SLC9B1: variants seen among roughly 807,000 people sequenced by gnomAD.
The protein encoded by SLC9B1 is sodium/hydrogen exchanger 9B1.
A neutral mutation model predicts 51.7 loss-of-function variants in SLC9B1; 32 were observed. The observed-to-expected ratio is 0.62, with a 90% CI of 0.47 to 0.83. The LOEUF is 0.83. Among genes scored for constraint, SLC9B1 ranks in the 40% least tolerant of loss-of-function variants. The pLI, the probability that SLC9B1 is intolerant of heterozygous loss-of-function variation, is 0.00. For synonymous variants in SLC9B1, 145 were observed against 212.7 expected, an observed-to-expected ratio of 0.68 and a Z score of 2.77; for missense variants, 406 against 613.2, an observed-to-expected ratio of 0.66 and a Z score of 3.57.
intron 3 of SLC9B1, among the ~76,000 whole-genome samples, chr4:102,985,912 T>C (rs1312749803): frequency 1.3e-5 from 2 of 152,184 alleles, no homozygotes; most frequent in Admixed American, 1.3e-4. Flanking sequence ...TCCCATTTCT[T>C]GTATTATTGC....
chr4:102,922,211 C>G (rs1398123278), intron 7 of SLC9B1, among the ~76,000 whole-genome samples: 1 of 152,212 alleles, frequency 6.6e-6, no homozygotes, highest in Non-Finnish European at 1.5e-5. Flanking sequence ...AACAAACTGT[C>G]TCTCAGACCA....
intron 1 of SLC9B1, among the ~76,000 whole-genome samples, chr4:102,994,481 C>T (rs1460326480): frequency 1.3e-5 from 2 of 152,230 alleles, no homozygotes; most frequent in Non-Finnish European, 2.9e-5. Context: ...CACTTTCCCA[C>T]ATCTTCCTCT....
At chr4:103,005,658 T>C (rs1434402996) in intron 1 of SLC9B1, among the ~76,000 whole-genome samples, 1 of 152,164 alleles carries the variant, frequency 6.6e-6, no homozygotes, top group Non-Finnish European at 1.5e-5. Flanking sequence ...ATATACATTA[T>C]TCTCATCTGC....
At chr4:103,019,549 A>G in intron 1 of SLC9B1, 50 bp downstream of exon 1, 1 of 982,390 alleles carries the variant, frequency 1.0e-6, no homozygotes, top group Middle Eastern at 5.3e-4. Context: ...CAGACCCGGG[A>G]CTAGCGCCAA....
At chr4:103,006,887 A>C (rs1426675036) in intron 1 of SLC9B1, among the ~76,000 whole-genome samples, 2 of 152,226 alleles carry the variant, frequency 1.3e-5, no homozygotes, top group African/African-American at 4.8e-5. Flanking sequence ...CCAAAACCAT[A>C]TAATAATCTC....
At chr4:102,899,972 G>A (rs547007440), downstream of SLC9B1, among the ~76,000 whole-genome samples, 6 of 152,132 alleles carry the variant, frequency 3.9e-5, no homozygotes, top group Non-Finnish European at 7.4e-5. Context: ...TGGCAGTTTC[G>A]GTGATATATT....
chr4:102,946,511 C>T (rs1737275283), intron 5 of SLC9B1, 136 bp downstream of exon 5: 8 of 934,576 alleles, frequency 8.6e-6, no homozygotes, highest in Admixed American at 5.7e-5. Flanking sequence ...CCGCCATGCC[C>T]GGCCTTTTTT....
intron 1 of SLC9B1, among the ~76,000 whole-genome samples, chr4:102,998,134 C>G (rs1578410489): frequency 2.6e-5 from 4 of 152,114 alleles, no homozygotes; most frequent in African/African-American, 7.2e-5. Flanking sequence ...TTATCTTGAC[C>G]TGAAACTGTG....
At chr4:103,008,542 C>T (rs937611895) in intron 1 of SLC9B1, among the ~76,000 whole-genome samples, 13 of 151,482 alleles carry the variant, frequency 8.6e-5, no homozygotes, top group African/African-American at 2.4e-4. Context: ...TCACTGTGTC[C>T]GTCTAGTTTT....
chr4:102,964,209 C>A (rs753543291), intron 3 of SLC9B1, among the ~76,000 whole-genome samples: 24 of 151,020 alleles, frequency 1.6e-4, no homozygotes, highest in Non-Finnish European at 3.4e-4. Context: ...TAAAATAGAA[C>A]AATTCCTAGA....
chr4:102,924,628 G>A (rs1029995715), intron 7 of SLC9B1, among the ~76,000 whole-genome samples: 3 of 152,138 alleles, frequency 2.0e-5, no homozygotes, highest in African/African-American at 7.2e-5. Flanking sequence ...ACAACCTACA[G>A]AATGGGAGAA....
At chr4:102,920,941 T>C (rs570918172) in intron 7 of SLC9B1, among the ~76,000 whole-genome samples, 2 of 152,214 alleles carry the variant, frequency 1.3e-5, no homozygotes, top group African/African-American at 4.8e-5. Context: ...TTGATTGGTG[T>C]ACCTGAAAGT....
intron 3 of SLC9B1, among the ~76,000 whole-genome samples, 181 bp from the exon 4 acceptor site, chr4:102,949,608 A>C (rs1737443634): frequency 6.6e-6 from 1 of 152,158 alleles, no homozygotes; most frequent in Non-Finnish European, 1.5e-5. Context: ...ATTCCAAATA[A>C]CCTGTCAATT....
chr4:102,905,902 T>C (rs1735020946), intron 10 of SLC9B1, among the ~76,000 whole-genome samples: 1 of 152,100 alleles, frequency 6.6e-6, no homozygotes, highest in African/African-American at 2.4e-5. Flanking sequence ...AATTCTGAAC[T>C]AATAGACTTC....
At chr4:102,949,101 TACAC>T (rs759800843) in intron 4 of SLC9B1, among the ~76,000 whole-genome samples, 152 bp downstream of exon 4, 1 of 151,574 alleles carries the variant, frequency 6.6e-6, no homozygotes, top group South Asian at 2.1e-4. Context: ...AAAGGAGCTG[TACAC>T]ACACACACAC....
At chr4:102,956,946 A>G (rs1466585099) in intron 3 of SLC9B1, among the ~76,000 whole-genome samples, 1 of 152,184 alleles carries the variant, frequency 6.6e-6, no homozygotes, top group Non-Finnish European at 1.5e-5. Flanking sequence ...AAATATGATA[A>G]TGTGCTGTCT....
intron 3 of SLC9B1, among the ~76,000 whole-genome samples, chr4:102,969,592 C>G (rs556583009): frequency 1.3e-5 from 2 of 152,156 alleles, no homozygotes; most frequent in Non-Finnish European, 2.9e-5. Context: ...TCCAAAGGAT[C>G]GGAGCTCCTC....
intron 7 of SLC9B1, among the ~76,000 whole-genome samples, chr4:102,917,179 A>G (rs1400886596): frequency 6.6e-6 from 1 of 152,142 alleles, no homozygotes; most frequent in Admixed American, 6.6e-5. Context: ...TTGCATCAGC[A>G]GCCTTTTGGG....
intron 3 of SLC9B1, among the ~76,000 whole-genome samples, chr4:102,954,754 AG>A (rs1737695540): frequency 6.6e-6 from 1 of 152,180 alleles, no homozygotes; most frequent in Non-Finnish European, 1.5e-5. Flanking sequence ...AGAACCAAAA[AG>A]GAAGGAACAA....
Sources: gnomAD v4.1 joint callset for allele counts (sites outside exome capture counted in the v4.1 genomes callset) on GRCh38, gnomAD v4.1.1 for gene constraint, MANE v1.5 for transcripts, NCBI Gene and HGNC (gene_info 2026-07-23, HGNC 2026-07-21) for gene names.